Variants in LSAMP observed in about 807,000 individuals in gnomAD.
The protein encoded by LSAMP is limbic system-associated membrane protein.
A neutral mutation model predicts 38.6 loss-of-function variants in LSAMP; 7 were observed. The observed-to-expected ratio is 0.18, with a 90% CI of 0.10 to 0.34. The LOEUF (loss-of-function observed/expected upper bound fraction) is 0.34. Ranked by LOEUF, LSAMP falls within the 10% of genes least tolerant of loss-of-function variation. LSAMP has a pLI of 1.00. For missense variants in LSAMP, 313 were observed against 420.0 expected (o/e 0.75, Z 2.23); for synonymous variants, 154 against 166.8 (o/e 0.92, Z 0.59).
intron 3 of LSAMP, among the ~76,000 whole-genome samples, chr3:115,952,714 G>C (rs750613930): frequency 1.3e-5 from 2 of 152,016 alleles, no homozygotes; most frequent in African/African-American, 2.4e-5. Flanking sequence ...AAAAACTATT[G>C]AAATAAAAAA....
chr3:116,191,432 A>G (rs1710752595), intron 1 of LSAMP, among the ~76,000 whole-genome samples: 1 of 152,052 alleles, frequency 6.6e-6, no homozygotes, highest in Admixed American at 6.6e-5. Context: ...TGAATGCCAG[A>G]TACTGAATGA....
At chr3:116,170,260 G>A (rs1297770109) in intron 1 of LSAMP, among the ~76,000 whole-genome samples, 1 of 150,934 alleles carries the variant, frequency 6.6e-6, no homozygotes, top group Non-Finnish European at 1.5e-5. Flanking sequence ...CCTATCAATT[G>A]CCTTGGCTTG....
intron 3 of LSAMP, among the ~76,000 whole-genome samples, chr3:115,952,301 A>G (rs1195928725): frequency 2.0e-5 from 3 of 152,194 alleles, no homozygotes; most frequent in Non-Finnish European, 2.9e-5. Flanking sequence ...CAATGGCAAA[A>G]ATATGGAACC....
intron 3 of LSAMP, among the ~76,000 whole-genome samples, chr3:116,001,598 C>T (rs114445232): frequency 0.02 from 3,074 of 152,302 alleles, 91 homozygotes; most frequent in African/African-American, 0.068. Flanking sequence ...CAGAGCTGAG[C>T]TCCTTCTGGT....
At chr3:115,848,940 A>G (rs74840345) in intron 4 of LSAMP, among the ~76,000 whole-genome samples, 8,403 of 152,306 alleles carry the variant, frequency 0.055, 277 homozygotes, top group African/African-American at 0.087. Flanking sequence ...TTAAACATTT[A>G]CTAGGTGCTA....
intron 1 of LSAMP, among the ~76,000 whole-genome samples, chr3:116,155,639 ATG>A (rs34390923): frequency 0.54 from 81,278 of 151,342 alleles, 22,570 homozygotes; most frequent in East Asian, 0.76. Context: ...GTGTGTGTAT[ATG>A]TGTGTGTGTG....
At chr3:116,197,333 C>G (rs1468001) in intron 1 of LSAMP, among the ~76,000 whole-genome samples, 10,319 of 152,194 alleles carry the variant, frequency 0.068, 455 homozygotes, top group East Asian at 0.089. Flanking sequence ...TCCTTCCAAA[C>G]GTCTCACCTC....
intron 3 of LSAMP, among the ~76,000 whole-genome samples, chr3:115,932,748 A>G (rs1490846072): frequency 1.3e-5 from 2 of 152,242 alleles, no homozygotes; most frequent in Admixed American, 1.3e-4. Flanking sequence ...ATTTTAAAAA[A>G]TGATATGTAT....
intron 2 of LSAMP, among the ~76,000 whole-genome samples, chr3:116,081,190 G>A (rs1334198002): frequency 6.6e-6 from 1 of 152,162 alleles, no homozygotes; most frequent in African/African-American, 2.4e-5. Flanking sequence ...GGGGGCCGGC[G>A]AGGTGGCTCA....
chr3:116,139,878 G>T, intron 1 of LSAMP, among the ~76,000 whole-genome samples: 1 of 151,928 alleles, frequency 6.6e-6, no homozygotes, highest in East Asian at 1.9e-4. Flanking sequence ...GTTTTCTATG[G>T]GGTTACAGTA....
intron 1 of LSAMP, among the ~76,000 whole-genome samples, chr3:116,281,746 C>T (rs558946106): frequency 6.6e-6 from 1 of 152,268 alleles, no homozygotes; most frequent in South Asian, 2.1e-4. Context: ...AATATGATTT[C>T]ATTTAGAGTG....
intron 2 of LSAMP, among the ~76,000 whole-genome samples, chr3:116,084,904 ATC>A (rs1707953844): frequency 6.6e-6 from 1 of 151,762 alleles, no homozygotes; most frequent in African/African-American, 2.4e-5. Flanking sequence ...TAAACTAGTT[ATC>A]TCTCCTCCTT....
intron 1 of LSAMP, among the ~76,000 whole-genome samples, chr3:116,347,638 C>G (rs17646621): frequency 0.093 from 14,195 of 151,910 alleles, 747 homozygotes; most frequent in Middle Eastern, 0.14. Context: ...AACTATGAGG[C>G]AGAAATTGTA....
intron 3 of LSAMP, among the ~76,000 whole-genome samples, chr3:115,912,211 C>G (rs1471500711): frequency 6.6e-6 from 1 of 152,058 alleles, no homozygotes; most frequent in Non-Finnish European, 1.5e-5. Flanking sequence ...TGATGTCAAG[C>G]CTAAGGACAC....
intron 1 of LSAMP, among the ~76,000 whole-genome samples, chr3:116,115,928 G>T (rs558179151): frequency 6.6e-5 from 10 of 151,518 alleles, no homozygotes; most frequent in Non-Finnish European, 1.3e-4. Context: ...TCCGTAGGGC[G>T]GCTTCCACCC....
At chr3:115,921,142 C>G (rs1235957606) in intron 3 of LSAMP, among the ~76,000 whole-genome samples, 1 of 152,014 alleles carries the variant, frequency 6.6e-6, no homozygotes, top group Non-Finnish European at 1.5e-5. Context: ...TCTCATTTTT[C>G]TATCCATTCA....
intron 1 of LSAMP, among the ~76,000 whole-genome samples, chr3:116,209,364 T>A (rs9989961): frequency 3.3e-5 from 5 of 152,234 alleles, no homozygotes; most frequent in South Asian, 4.1e-4. Context: ...CGTCTTCTGC[T>A]TCGCTCACGC....
intron 3 of LSAMP, among the ~76,000 whole-genome samples, chr3:116,012,708 G>C (rs1397538729): frequency 6.6e-6 from 1 of 152,072 alleles, no homozygotes; most frequent in Non-Finnish European, 1.5e-5. Flanking sequence ...GGATAGACCT[G>C]AATAAAGAAG....
At chr3:115,816,402 A>G (rs906354899) in intron 6 of LSAMP, among the ~76,000 whole-genome samples, 5 of 152,176 alleles carry the variant, frequency 3.3e-5, no homozygotes, top group African/African-American at 7.2e-5. Flanking sequence ...TTAAAAATAA[A>G]TTACTGTCAA....
Sources: allele counts gnomAD v4.1 joint callset (sites outside exome capture counted in the v4.1 genomes callset), GRCh38; gene constraint gnomAD v4.1.1; transcripts MANE v1.5; gene names NCBI Gene and HGNC (gene_info 2026-07-23, HGNC 2026-07-21).